The following BTBD9 variants were observed in gnomAD, a reference collection of about 807,000 sequenced individuals.
BTBD9 encodes the protein BTB domain containing 9.
BTBD9 carries 49 observed loss-of-function variants against 64.3 expected under a neutral mutation model. That is an observed-to-expected ratio of 0.76 (90% CI 0.61 to 0.97). The LOEUF is 0.97. Among genes scored for constraint, BTBD9 ranks in the 50% least tolerant of loss-of-function variants. BTBD9 has a pLI of 0.00. For missense variants in BTBD9, 598 were observed against 762.1 expected (o/e 0.78, Z 2.53); for synonymous variants, 260 against 274.7 (o/e 0.95, Z 0.53).
chr6:38,428,853 C>A (rs1211251320), intron 6 of BTBD9, among the ~76,000 whole-genome samples: 1 of 151,230 alleles, frequency 6.6e-6, no homozygotes, highest in Non-Finnish European at 1.5e-5. Flanking sequence ...GCTGGGACTA[C>A]AGGCGCCCAC....
At chr6:38,592,461 A>T in intron 4 of BTBD9, 115 bp downstream of exon 4, 1 of 1,113,888 alleles carries the variant, frequency 9.0e-7, no homozygotes, top group Non-Finnish European at 1.3e-6. Context: ...CTGTTTATAA[A>T]CGTACATATT....
At chr6:38,538,957 T>C (rs372474692) in intron 6 of BTBD9, among the ~76,000 whole-genome samples, 2 of 152,156 alleles carry the variant, frequency 1.3e-5, no homozygotes, top group African/African-American at 4.8e-5. Context: ...CTAATTTTGA[T>C]GCAGGGGACA....
In BTBD9 at chr6:38,597,910, C is replaced by A. The variant is rs763075478; in HGVS notation, c.185G>T (p.Arg62Leu). The A allele has an allele frequency of 6.2e-7, 1 of 1,613,036 alleles. No homozygotes were observed. Among genetic ancestry groups the A allele is most frequent in the Non-Finnish European group, 8.5e-7 (1 of 1,179,568 alleles). ...TTCAAAAAAAGTATTACACACTTAC[C>A]GAAAATATTGGCACCTGGCTGCTAA... ...VILAARCQYF[R>L]ALLYGGMRES... is the part of the protein sequence containing the mutation. The change falls in exon 2 of 11, where the codon CGA becomes CTA. Residue 62 changes from arginine to leucine, a missense_variant and splice_region_variant. By Grantham distance (102) the Arg-to-Leu change is moderately radical. Transcript: ENST00000481247.
At chr6:38,639,467 GT>G (rs369276536) in intron 1 of BTBD9, among the ~76,000 whole-genome samples, 103 of 152,212 alleles carry the variant, frequency 6.8e-4, no homozygotes, top group African/African-American at 2.1e-3. Context: ...CCCAGGCAAC[GT>G]CGTCTCAGAC....
Position 38,344,890 on chromosome 6 carries a change from C to G in BTBD9, c.1264+94G>C, listed in dbSNP as rs1764221727. On this transcript the variant is annotated intron_variant, in intron 7 of 10. Transcript: ENST00000481247. Reference sequence around the variant, plus strand: ...ATAAGGCATTTAAATCAACCAGAGTCCTTAGAACTGATTAAGATAAGTTAA... The same window carrying G: ...ATAAGGCATTTAAATCAACCAGAGTGCTTAGAACTGATTAAGATAAGTTAA... The G allele has an allele frequency of 1.1e-5, 9 of 787,246 alleles. No individual in the cohort carries two copies. In the South Asian group the frequency reaches 1.7e-4, roughly 15 times the overall value. The allele number at this position is 787,246 out of a possible 1,614,324, so 48.8% of individuals were successfully genotyped here. A position where few individuals can be genotyped will look rare whatever the true frequency, so the allele number is the denominator to read the frequency against.
intron 6 of BTBD9, among the ~76,000 whole-genome samples, chr6:38,433,986 C>T (rs11970228): frequency 2.0e-5 from 3 of 151,814 alleles, no homozygotes; most frequent in East Asian, 1.9e-4. Context: ...AGGGGTCTGG[C>T]GAGTCATGCT....
chr6:38,463,695 C>A (rs913808967), intron 6 of BTBD9, among the ~76,000 whole-genome samples: 12 of 152,156 alleles, frequency 7.9e-5, no homozygotes, highest in Admixed American at 7.2e-4. Context: ...CAGTCTTAAA[C>A]CTTGGTACCT....
At chr6:38,501,210 G>A (rs1772180785) in intron 6 of BTBD9, among the ~76,000 whole-genome samples, 1 of 152,132 alleles carries the variant, frequency 6.6e-6, no homozygotes, top group South Asian at 2.1e-4. Flanking sequence ...AGTGCAGGTT[G>A]AGTATCCCTG....
intron 6 of BTBD9, among the ~76,000 whole-genome samples, chr6:38,407,899 T>A (rs902345073): frequency 1.3e-5 from 2 of 152,152 alleles, no homozygotes; most frequent in Non-Finnish European, 2.9e-5. Context: ...TTCAAGGTCC[T>A]CAATGGAACA....
intron 6 of BTBD9, among the ~76,000 whole-genome samples, chr6:38,441,476 C>T (rs896335581): frequency 5.9e-5 from 9 of 152,064 alleles, no homozygotes; most frequent in African/African-American, 1.9e-4. Context: ...GGCTGGACAA[C>T]GCGAGCCAAT....
At chr6:38,300,311 T>C (rs978223317) in intron 7 of BTBD9, among the ~76,000 whole-genome samples, 39 of 152,346 alleles carry the variant, frequency 2.6e-4, no homozygotes, top group African/African-American at 9.1e-4. Flanking sequence ...AGCTTTGTTC[T>C]TTAGGCTTAG....
At chr6:38,438,877 T>G (rs1359837383) in intron 6 of BTBD9, among the ~76,000 whole-genome samples, 1 of 151,976 alleles carries the variant, frequency 6.6e-6, no homozygotes, top group Non-Finnish European at 1.5e-5. Context: ...GAAAACGGAA[T>G]AGAAGTGGAG....
rs374312276 is a variant in BTBD9, at chr6:38,368,197, C to T, written c.1155-23104G>A. Among the ~76,000 whole-genome samples, 18 of 152,322 alleles carry T rather than the reference C, an allele frequency of 1.2e-4. No individual in the cohort carries two copies. The South Asian group carries it at 3.7e-3, about 32-fold the overall frequency. On this transcript the variant is annotated intron_variant, in intron 6 of 10. Coordinates refer to ENST00000481247, the MANE Select transcript of BTBD9 (RefSeq NM_001099272.2). ...TTAATACCACAGATATACTGTATAT[C>T]TGCTTATGTACCACATGTATATCTG...
At chr6:38,338,637 G>T (rs766806611) in intron 7 of BTBD9, among the ~76,000 whole-genome samples, 2 of 151,996 alleles carry the variant, frequency 1.3e-5, no homozygotes, top group African/African-American at 2.4e-5. Context: ...AAGGATGAGA[G>T]GGACATATGA....
chr6:38,221,535 C>T (rs1197446323), intron 9 of BTBD9, among the ~76,000 whole-genome samples: 5 of 152,094 alleles, frequency 3.3e-5, no homozygotes, highest in East Asian at 3.9e-4. Flanking sequence ...GAGTGCCGCC[C>T]GTCAATGAAC....
chr6:38,632,415 A>T (rs1024177109), intron 1 of BTBD9, among the ~76,000 whole-genome samples: 5 of 152,248 alleles, frequency 3.3e-5, no homozygotes, highest in African/African-American at 1.2e-4. Context: ...AGAATGTATT[A>T]ATTTTGTAAA....
At chr6:38,571,424 T>C (rs1181841178) in intron 6 of BTBD9, among the ~76,000 whole-genome samples, 2 of 152,184 alleles carry the variant, frequency 1.3e-5, no homozygotes, top group African/African-American at 4.8e-5. Context: ...TGTAGATCTA[T>C]AGCACTATGT....
chr6:38,176,502 G>A (rs1267169859), intron 10 of BTBD9, among the ~76,000 whole-genome samples: 2 of 152,136 alleles, frequency 1.3e-5, no homozygotes, highest in South Asian at 2.1e-4. Flanking sequence ...CACGGTCCTC[G>A]CCTCCTGCAG....
intron 7 of BTBD9, among the ~76,000 whole-genome samples, chr6:38,339,389 A>G (rs1764017567): frequency 6.6e-6 from 1 of 152,184 alleles, no homozygotes; most frequent in East Asian, 1.9e-4. Flanking sequence ...ATGTGCCTAC[A>G]GTCCTGTTTG....
Sources: gnomAD v4.1 joint callset for allele counts (sites outside exome capture counted in the v4.1 genomes callset) on GRCh38, gnomAD v4.1.1 for gene constraint, MANE v1.5 for transcripts, NCBI Gene and HGNC (gene_info 2026-07-23, HGNC 2026-07-21) for gene names.